The following SYT9 variants were observed in gnomAD, a reference collection of about 807,000 sequenced individuals.
The protein encoded by SYT9 is synaptotagmin-9.
A neutral mutation model predicts 48.4 loss-of-function variants in SYT9; 22 were observed. The ratio of observed to expected loss-of-function variants is 0.45; its 90% confidence interval spans 0.32 to 0.65. The LOEUF (loss-of-function observed/expected upper bound fraction) is 0.65. SYT9 is among the 30% of genes least tolerant of loss of function. SYT9 has a pLI of 0.03. For synonymous variants in SYT9, 265 were observed against 245.0 expected, an observed-to-expected ratio of 1.08 and a Z score of -0.76; for missense variants, 577 against 622.0, an observed-to-expected ratio of 0.93 and a Z score of 0.77.
chr11:7,306,737 T>C (rs1031818865), intron 2 of SYT9, among the ~76,000 whole-genome samples: 1 of 152,180 alleles, frequency 6.6e-6, no homozygotes, highest in Non-Finnish European at 1.5e-5. Flanking sequence ...GAAGTCTGTG[T>C]TCTGTCCCCC....
At chr11:7,285,042 G>C in intron 1 of SYT9, among the ~76,000 whole-genome samples, 1 of 152,098 alleles carries the variant, frequency 6.6e-6, no homozygotes, top group East Asian at 1.9e-4. Flanking sequence ...CAAAAACTCA[G>C]CATGAGTTTA....
intron 1 of SYT9, among the ~76,000 whole-genome samples, chr11:7,267,014 CTAAT>C (rs1204203096): frequency 1.3e-5 from 2 of 151,926 alleles, no homozygotes; most frequent in Non-Finnish European, 2.9e-5. Flanking sequence ...AAACCTCATG[CTAAT>C]TAAATTAACA....
At position 7,415,903 on chromosome 11, in the gene SYT9, T is replaced by A. The variant is rs751115466; in HGVS notation, c.1045-139T>A. 4.1e-5 allele frequency: 43 copies of A among 1,051,510 alleles called. 1 individual carries two copies. The highest frequency in any genetic ancestry group is 1.2e-4 in the South Asian group (8 of 66,986). The allele number at this position is 1,051,510 out of a possible 1,614,324, so 65.1% of individuals were successfully genotyped here. On this transcript the variant is annotated intron_variant, in intron 3 of 6. Transcript: ENST00000318881. The stretch of plus-strand genomic sequence containing the variant: ...TTTATTATTCTCCCTGTGACTGACA[T>A]GAACGGAAGAGATACCAGGGATTCT...
intron 3 of SYT9, among the ~76,000 whole-genome samples, chr11:7,319,192 CTTTTTTTTTT>C (rs71056795): frequency 4.6e-5 from 4 of 86,182 alleles, no homozygotes; most frequent in East Asian, 4.5e-4. Context: ...TCTTCTTTTT[CTTTTTTTTTT>C]TTTTTTTTTT....
intron 3 of SYT9, among the ~76,000 whole-genome samples, chr11:7,398,807 T>C (rs1272423927): frequency 6.6e-6 from 1 of 152,152 alleles, no homozygotes; most frequent in Non-Finnish European, 1.5e-5. Flanking sequence ...TGACAGCTTG[T>C]AGTCAAAACA....
chr11:7,270,635 G>A (rs1258107845), intron 1 of SYT9, among the ~76,000 whole-genome samples: 1 of 152,172 alleles, frequency 6.6e-6, no homozygotes, highest in East Asian at 1.9e-4. Context: ...ATATTACTTA[G>A]ACAACAATAA....
intron 6 of SYT9, chr11:7,454,385 C>T (rs933989906): frequency 1.1e-4 from 96 of 843,026 alleles, no homozygotes; most frequent in Non-Finnish European, 3.1e-5. Flanking sequence ...CCTTCAGCTG[C>T]TTCTCCCAGC....
chr11:7,446,539 C>T (rs531275944), intron 6 of SYT9, among the ~76,000 whole-genome samples: 1 of 152,304 alleles, frequency 6.6e-6, no homozygotes, highest in South Asian at 2.1e-4. Context: ...AACATGACAA[C>T]TTCCTGATCC....
chr11:7,291,011 A>G (rs1337429676), intron 1 of SYT9, among the ~76,000 whole-genome samples: 1 of 152,210 alleles, frequency 6.6e-6, no homozygotes, highest in Non-Finnish European at 1.5e-5. Flanking sequence ...CACAGGCCTG[A>G]AAGAACCCAA....
intron 6 of SYT9, among the ~76,000 whole-genome samples, chr11:7,445,482 C>T (rs923729254): frequency 1.2e-4 from 19 of 152,246 alleles, no homozygotes; most frequent in Admixed American, 1.1e-3. Flanking sequence ...ACCCCTCCTC[C>T]CTGACCCTAC....
In SYT9 at chr11:7,255,527, A is replaced by G. The variant is rs113790801; in HGVS notation, c.145+3196A>G. Among the ~76,000 whole-genome samples, 974 of 152,334 alleles carry G rather than the reference A, an allele frequency of 6.4e-3. 12 individuals are homozygous for G. The highest frequency in any genetic ancestry group is 0.022 in the African/African-American group (933 of 41,572). On this transcript the variant is annotated intron_variant, in intron 1 of 6. Coordinates refer to ENST00000318881, the MANE Select transcript of SYT9 (RefSeq NM_175733.4). ...TTAGGAAGCTATTTCAGAAATCCAG[A>G]CAGAGGTGATAGTGACTTCAACAGG...
chr11:7,352,654 A>C (rs1035211356), intron 3 of SYT9, among the ~76,000 whole-genome samples: 2 of 152,244 alleles, frequency 1.3e-5, no homozygotes, highest in Non-Finnish European at 2.9e-5. Context: ...CGTGAAGAAT[A>C]GTACAAAATA....
At chr11:7,417,903 C>T in intron 4 of SYT9, 54 bp from the exon 5 acceptor site, 2 of 1,561,656 alleles carry the variant, frequency 1.3e-6, no homozygotes, top group South Asian at 1.2e-5. Context: ...TATAACTGCC[C>T]ACCTAAATCT....
chr11:7,339,845 T>G (rs1474639432), intron 3 of SYT9, among the ~76,000 whole-genome samples: 1 of 152,198 alleles, frequency 6.6e-6, no homozygotes, highest in Non-Finnish European at 1.5e-5. Flanking sequence ...GGAGATGATC[T>G]TCTTGCGTAG....
At chr11:7,372,722 C>T (rs1850384960) in intron 3 of SYT9, among the ~76,000 whole-genome samples, 1 of 151,976 alleles carries the variant, frequency 6.6e-6, no homozygotes, top group South Asian at 2.1e-4. Flanking sequence ...TTCAATAGTT[C>T]TTCACTTGGT....
intron 6 of SYT9, chr11:7,454,338 G>A (rs4758188): frequency 0.52 from 507,231 of 981,006 alleles, 135,654 homozygotes; most frequent in Non-Finnish European, 0.54. Context: ...TCCGCTCTCT[G>A]CTGCACTCCA....
chr11:7,403,285 C>A (rs1564891268), intron 3 of SYT9, among the ~76,000 whole-genome samples: 1 of 152,140 alleles, frequency 6.6e-6, no homozygotes, highest in African/African-American at 2.4e-5. Context: ...TGAGGCCAGG[C>A]ACAGTGGCTC....
At chr11:7,435,635 G>T (rs1347306593) in intron 6 of SYT9, 1 of 152,234 alleles carries the variant, frequency 6.6e-6, no homozygotes, top group Non-Finnish European at 1.5e-5. Context: ...CACTTTAAAA[G>T]AGAGTCTTTG....
intron 3 of SYT9, among the ~76,000 whole-genome samples, chr11:7,415,045 G>A (rs1355425967): frequency 1.3e-5 from 2 of 152,136 alleles, no homozygotes; most frequent in African/African-American, 4.8e-5. Context: ...AAAGAGAATT[G>A]TGTCTTCTGA....
Sources: allele counts gnomAD v4.1 joint callset (sites outside exome capture counted in the v4.1 genomes callset), GRCh38; gene constraint gnomAD v4.1.1; transcripts MANE v1.5; gene names NCBI Gene and HGNC (gene_info 2026-07-23, HGNC 2026-07-21).